The following LRRC4C variants were observed in gnomAD, a reference collection of about 807,000 sequenced individuals.
The protein encoded by LRRC4C is leucine rich repeat containing 4C.
In LRRC4C, 5 loss-of-function variants were observed where a neutral mutation model predicts 33.6. The observed-to-expected ratio is 0.15, with a 90% CI of 0.08 to 0.31. The LOEUF is 0.31. Among genes scored for constraint, LRRC4C ranks in the 10% least tolerant of loss-of-function variants. The pLI is 1.00. For synonymous variants in LRRC4C, 329 were observed against 302.0 expected (o/e 1.09, Z -0.93); for missense variants, 560 against 796.7 (o/e 0.70, Z 3.58).
intron 1 of LRRC4C, among the ~76,000 whole-genome samples, chr11:40,998,888 G>T (rs1854165849): frequency 1.3e-5 from 2 of 152,028 alleles, no homozygotes; most frequent in South Asian, 4.1e-4. Flanking sequence ...CAACCCAAAT[G>T]ATTTGAAGAG....
intron 6 of LRRC4C, among the ~76,000 whole-genome samples, chr11:40,138,442 C>T (rs762176855): frequency 3.3e-5 from 5 of 152,196 alleles, no homozygotes; most frequent in Non-Finnish European, 7.3e-5. Context: ...TGAAGACTAA[C>T]ACTACTACTA....
At chr11:40,948,830 G>T (rs1257218993) in intron 1 of LRRC4C, among the ~76,000 whole-genome samples, 2 of 150,012 alleles carry the variant, frequency 1.3e-5, no homozygotes, top group East Asian at 2.0e-4. Context: ...ATAAACATAC[G>T]TGTGCATGTG....
chr11:40,544,534 G>T (rs2135406456), intron 3 of LRRC4C, among the ~76,000 whole-genome samples: 1 of 152,166 alleles, frequency 6.6e-6, no homozygotes, highest in Non-Finnish European at 1.5e-5. Flanking sequence ...GCAAAATATG[G>T]ATTATTACTT....
chr11:40,911,468 G>C (rs566665318), intron 2 of LRRC4C, among the ~76,000 whole-genome samples: 1 of 152,180 alleles, frequency 6.6e-6, no homozygotes, highest in South Asian at 2.1e-4. Flanking sequence ...AACTCCAACA[G>C]ACCTACAGCT....
rs185060687 is a variant in LRRC4C, at chr11:41,442,230, C to A, written c.-496+17201G>T. ...TAGGATAAATTTCTAGAACAGGATC[C>A]AAGTAAATAAAAAATTCTATGACCC... On this transcript the variant is annotated intron_variant, in intron 1 of 6. Coordinates refer to ENST00000528697, the MANE Select transcript of LRRC4C (RefSeq NM_001258419.2). Among the ~76,000 whole-genome samples the A allele has an allele frequency of 6.6e-3, 998 of 151,794 alleles. 13 individuals are homozygous for A. Among genetic ancestry groups the A allele is most frequent in the African/African-American group, 0.023 (962 of 41,430 alleles).
intron 3 of LRRC4C, among the ~76,000 whole-genome samples, chr11:40,548,091 A>T (rs571500158): frequency 6.6e-6 from 1 of 152,220 alleles, no homozygotes; most frequent in African/African-American, 2.4e-5. Flanking sequence ...GAAAGTGTGC[A>T]TATGTAGGTT....
chr11:41,123,676 A>AC (rs1348171280), intron 1 of LRRC4C, among the ~76,000 whole-genome samples: 67 of 144,152 alleles, frequency 4.6e-4, no homozygotes, highest in Middle Eastern at 3.7e-3. Context: ...GAGTTCACTC[A>AC]ATTTTTTCTC....
rs113802977 is a variant in LRRC4C at position 40,744,214 on chromosome 11, G to T, written c.-406-95936C>A. 2.3e-3 allele frequency among the ~76,000 whole-genome samples: 345 copies of T among 152,200 alleles called. 1 individual carries two copies. Among genetic ancestry groups the T allele is most frequent in the Non-Finnish European group, 3.2e-3 (217 of 67,988 alleles). On this transcript the variant is annotated intron_variant, in intron 2 of 6. Transcript: ENST00000528697. ...GACACATAATAAACAAATATTTAGT[G>T]TGTCAGATGGAGCAAGTAAAATAAT...
intron 3 of LRRC4C, among the ~76,000 whole-genome samples, chr11:40,557,315 T>C (rs1303728086): frequency 6.6e-6 from 1 of 152,146 alleles, no homozygotes; most frequent in Non-Finnish European, 1.5e-5. Flanking sequence ...ACTTACTTGA[T>C]TGTCAGAAGG....
At chr11:41,407,432 G>C (rs186584262) in intron 1 of LRRC4C, among the ~76,000 whole-genome samples, 45 of 150,902 alleles carry the variant, frequency 3.0e-4, no homozygotes, top group Admixed American at 2.7e-3. Context: ...TACCCAAATA[G>C]CTGGGACTAC....
chr11:40,641,472 G>T lies in LRRC4C; in HGVS notation c.-270+6670C>A, dbSNP rs556212003. Among the ~76,000 whole-genome samples, 100 of 152,086 alleles carry T rather than the reference G, an allele frequency of 6.6e-4. 1 individual carries two copies. Among genetic ancestry groups the T allele is most frequent in the African/African-American group, 2.3e-3 (97 of 41,502 alleles). ...CTTTTCACTCAAAGAGCAAGCCAAC[G>T]GAATAAAGATCAGAATTTTACTATT... is the stretch of plus-strand genomic sequence containing the variant. On this transcript the variant is annotated intron_variant, in intron 3 of 6. Coordinates refer to ENST00000528697, the MANE Select transcript of LRRC4C (RefSeq NM_001258419.2).
chr11:41,003,516 T>G (rs1854525864), intron 1 of LRRC4C, among the ~76,000 whole-genome samples: 1 of 151,070 alleles, frequency 6.6e-6, no homozygotes, highest in South Asian at 2.1e-4. Context: ...TGAGATCCAT[T>G]TGAGATTATG....
chr11:40,843,385 T>A (rs1953004021), intron 2 of LRRC4C, among the ~76,000 whole-genome samples: 1 of 152,134 alleles, frequency 6.6e-6, no homozygotes, highest in African/African-American at 2.4e-5. Context: ...TCCTATAGTT[T>A]TTACTTCCCA....
chr11:40,707,379 G>A (rs527878279), intron 2 of LRRC4C, among the ~76,000 whole-genome samples: 8 of 152,264 alleles, frequency 5.3e-5, no homozygotes, highest in Non-Finnish European at 8.8e-5. Flanking sequence ...TTTGAGATAC[G>A]TTCCATCAAT....
At chr11:41,118,089 C>T (rs1942233166) in intron 1 of LRRC4C, among the ~76,000 whole-genome samples, 1 of 152,068 alleles carries the variant, frequency 6.6e-6, no homozygotes, top group Admixed American at 6.6e-5. Flanking sequence ...ATTACAAATG[C>T]ATTGCCCCAG....
At chr11:41,244,168 T>C (rs1333596762) in intron 1 of LRRC4C, among the ~76,000 whole-genome samples, 1 of 151,406 alleles carries the variant, frequency 6.6e-6, no homozygotes, top group East Asian at 1.9e-4. Flanking sequence ...TCAAGAAAGT[T>C]TTCTCTATCT....
intron 1 of LRRC4C, among the ~76,000 whole-genome samples, chr11:40,965,454 C>T (rs932474543): frequency 6.6e-6 from 1 of 152,076 alleles, no homozygotes; most frequent in Admixed American, 6.6e-5. Flanking sequence ...ATGCCTATGT[C>T]CTGAATGGTA....
intron 1 of LRRC4C, among the ~76,000 whole-genome samples, chr11:41,067,101 A>T (rs1296803449): frequency 1.3e-5 from 2 of 152,182 alleles, no homozygotes; most frequent in African/African-American, 4.8e-5. Context: ...TTAACGGCCC[A>T]ATTAAAAGAC....
chr11:40,232,163 C>T (rs1476362044), intron 5 of LRRC4C, among the ~76,000 whole-genome samples: 2 of 152,154 alleles, frequency 1.3e-5, no homozygotes, highest in Non-Finnish European at 2.9e-5. Context: ...CCTGCCACCA[C>T]ACCTAGCTAT....
Sources: allele counts gnomAD v4.1 joint callset (sites outside exome capture counted in the v4.1 genomes callset), GRCh38; gene constraint gnomAD v4.1.1; transcripts MANE v1.5; gene names NCBI Gene and HGNC (gene_info 2026-07-23, HGNC 2026-07-21).